PTPRD: variants seen among roughly 807,000 people sequenced by gnomAD.
The protein encoded by PTPRD is receptor-type tyrosine-protein phosphatase delta.
Under a neutral mutation model 214.5 loss-of-function variants are expected in PTPRD, and 34 were observed. The ratio of observed to expected loss-of-function variants is 0.16; its 90% CI spans 0.12 to 0.21. The LOEUF is 0.21. PTPRD is among the 10% of genes least tolerant of loss of function. The pLI is 1.00. For synonymous variants in PTPRD, 1,128 were observed against 845.7 expected (o/e 1.33, Z -5.79); for missense variants, 2,545 against 2,398.7 (o/e 1.06, Z -1.27).
intron 8 of PTPRD, among the ~76,000 whole-genome samples, chr9:9,521,523 C>T (rs1163464774): frequency 6.6e-6 from 1 of 152,108 alleles, no homozygotes; most frequent in Admixed American, 6.6e-5. Context: ...TCCAAGAATG[C>T]ATTGGGAAGT....
chr9:10,511,966 ACGTGTGTGTGT>A lies in PTPRD; in HGVS notation c.-600+100421_-600+100431del, dbSNP rs1484987554. Among the ~76,000 whole-genome samples the A allele has an allele frequency of 9.2e-3, 541 of 58,668 alleles. 19 individuals are homozygous for A. The highest frequency in any genetic ancestry group is 0.025 in the African/African-American group (522 of 20,960). 38.5% of individuals were successfully genotyped at this position (58,668 alleles called of 152,430 possible). On this transcript the variant is annotated intron_variant, in intron 2 of 45. Transcript: ENST00000381196. ...TATATACGTGTGTGTATATATATATACGTGTGTGTGTATATATATATACGTGTGTGTATATA... is the reference window on the plus strand; with the variant it reads ...TATATACGTGTGTGTATATATATATAATATATATATACGTGTGTGTATATA...
chr9:8,937,139 A>G (rs1032031240), intron 11 of PTPRD, among the ~76,000 whole-genome samples: 3 of 152,136 alleles, frequency 2.0e-5, no homozygotes, highest in Admixed American at 2.0e-4. Flanking sequence ...TTGATTAGCT[A>G]TATTGTGTTG....
intron 3 of PTPRD, among the ~76,000 whole-genome samples, chr9:10,232,879 T>A (rs2099616408): frequency 6.6e-6 from 1 of 152,028 alleles, no homozygotes; most frequent in Non-Finnish European, 1.5e-5. Context: ...TGCCATACGT[T>A]TTATGTGACT....
At chr9:10,526,230 T>C (rs1000512063) in intron 2 of PTPRD, among the ~76,000 whole-genome samples, 11 of 152,126 alleles carry the variant, frequency 7.2e-5, no homozygotes, top group Admixed American at 2.0e-4. Flanking sequence ...TGAAGTTCTG[T>C]TGAGAAATAA....
At chr9:9,084,137 G>C (rs943067456) in intron 10 of PTPRD, among the ~76,000 whole-genome samples, 5 of 152,116 alleles carry the variant, frequency 3.3e-5, no homozygotes, top group Non-Finnish European at 7.3e-5. Flanking sequence ...CAATAGCAAA[G>C]ACTTGGAACC....
intron 12 of PTPRD, among the ~76,000 whole-genome samples, chr9:8,667,378 T>A (rs1481967558): frequency 6.6e-6 from 1 of 152,082 alleles, no homozygotes; most frequent in African/African-American, 2.4e-5. Flanking sequence ...AATTCAATTT[T>A]TTTTCCATCT....
chr9:8,623,785 A>G (rs2095901431), intron 14 of PTPRD, among the ~76,000 whole-genome samples: 1 of 151,794 alleles, frequency 6.6e-6, no homozygotes. Flanking sequence ...CAAAACAAAT[A>G]GTGAAGTTAG....
rs547110437 is a variant in PTPRD, at chr9:9,744,131, T to C, written c.-325-9560A>G. Among the ~76,000 whole-genome samples, 8 of 152,266 alleles carry C rather than the reference T, an allele frequency of 5.3e-5. No homozygotes were observed. In the South Asian group the frequency reaches 1.7e-3, roughly 32 times the overall value. On this transcript the variant is annotated intron_variant, in intron 6 of 45. Transcript: ENST00000381196. Reference sequence around the variant, plus strand: ...ATTACCACCATTTTCGATAGGAATTTTAACTCACTTGAGGAGATTTAATTC... The same window carrying C: ...ATTACCACCATTTTCGATAGGAATTCTAACTCACTTGAGGAGATTTAATTC...
At chr9:9,827,507 C>G (rs1190534369) in intron 5 of PTPRD, among the ~76,000 whole-genome samples, 1 of 152,098 alleles carries the variant, frequency 6.6e-6, no homozygotes, top group Non-Finnish European at 1.5e-5. Context: ...AAAATTAATT[C>G]AAGATGGATT....
intron 3 of PTPRD, among the ~76,000 whole-genome samples, chr9:10,116,529 G>C (rs1274205841): frequency 6.6e-6 from 1 of 151,964 alleles, no homozygotes; most frequent in Non-Finnish European, 1.5e-5. Context: ...CACATTGTTA[G>C]GTTTTTTAGT....
At chr9:9,366,502 G>A (rs1016298904) in intron 9 of PTPRD, among the ~76,000 whole-genome samples, 1 of 151,464 alleles carries the variant, frequency 6.6e-6, no homozygotes, top group African/African-American at 2.4e-5. Context: ...CTGAAATTCA[G>A]CATTTTAAAA....
At chr9:8,689,057 A>C (rs1597072180) in intron 12 of PTPRD, among the ~76,000 whole-genome samples, 2 of 152,314 alleles carry the variant, frequency 1.3e-5, no homozygotes, top group African/African-American at 4.8e-5. Context: ...TGGATTCATT[A>C]ATGTTTTTAA....
At chr9:10,388,161 A>G (rs1041642030) in intron 2 of PTPRD, among the ~76,000 whole-genome samples, 5 of 151,834 alleles carry the variant, frequency 3.3e-5, no homozygotes, top group Non-Finnish European at 7.4e-5. Context: ...TGTAAATATA[A>G]ATTACAATGC....
At position 9,925,826 on chromosome 9, in the gene PTPRD, C is replaced by CTTTG. The variant is rs531590912; in HGVS notation, c.-368+12677_-368+12680dup. On this transcript the variant is annotated intron_variant, in intron 5 of 45. Transcript: ENST00000381196. ...ATCTCAAATCTATATACTAATCTCCCTTTGTTTGTTTGTTTGTTTTGAGTT... is the reference window on the plus strand; with the variant it reads ...ATCTCAAATCTATATACTAATCTCCCTTTGTTTGTTTGTTTGTTTGTTTTGAGTT... 2.8e-3 allele frequency among the ~76,000 whole-genome samples: 432 copies of CTTTG among 151,852 alleles called. 2 individuals carry two copies. The highest frequency in any genetic ancestry group is 9.7e-3 in the African/African-American group (403 of 41,430).
At chr9:10,380,292 A>G (rs1484694298) in intron 2 of PTPRD, among the ~76,000 whole-genome samples, 3 of 152,094 alleles carry the variant, frequency 2.0e-5, no homozygotes, top group Admixed American at 6.6e-5. Context: ...AATTTCATGG[A>G]TGTTCTTTGG....
At chr9:9,836,503 G>T (rs938649443) in intron 5 of PTPRD, among the ~76,000 whole-genome samples, 1 of 152,170 alleles carries the variant, frequency 6.6e-6, no homozygotes, top group African/African-American at 2.4e-5. Context: ...ACTGATAAAT[G>T]CCAAATTTGC....
intron 34 of PTPRD, among the ~76,000 whole-genome samples, chr9:8,439,510 A>G (rs2095471235): frequency 6.6e-6 from 1 of 152,158 alleles, no homozygotes; most frequent in Non-Finnish European, 1.5e-5. Context: ...TTATTTTTTG[A>G]ACTATTTAAG....
At chr9:9,358,067 T>A (rs909165330) in intron 9 of PTPRD, among the ~76,000 whole-genome samples, 3 of 151,284 alleles carry the variant, frequency 2.0e-5, no homozygotes, top group South Asian at 2.1e-4. Context: ...GTTGCTATTT[T>A]ACAAGCAAGA....
chr9:10,031,866 C>A (rs777746354), intron 4 of PTPRD, among the ~76,000 whole-genome samples: 20 of 151,206 alleles, frequency 1.3e-4, no homozygotes, highest in Non-Finnish European at 2.6e-4. Context: ...GTGAATTGGC[C>A]CCTGGATAAC....
Sources: gnomAD v4.1 joint callset for allele counts (sites outside exome capture counted in the v4.1 genomes callset) on GRCh38, gnomAD v4.1.1 for gene constraint, MANE v1.5 for transcripts, NCBI Gene and HGNC (gene_info 2026-07-23, HGNC 2026-07-21) for gene names.